The following LURAP1L variants were observed in gnomAD, a reference collection of about 807,000 sequenced individuals.
LURAP1L encodes leucine rich adaptor protein 1 like.
LURAP1L carries 12 observed loss-of-function variants against 13.8 expected under a neutral mutation model. That is an observed-to-expected ratio of 0.87 (90% confidence interval 0.56 to 1.41). LURAP1L has a LOEUF of 1.41. Among genes scored for constraint, LURAP1L ranks in the 40% most tolerant of loss-of-function variants. The pLI is 0.00. For synonymous variants in LURAP1L, 139 were observed against 119.2 expected, an observed-to-expected ratio of 1.17 and a Z score of -1.08; for missense variants, 375 against 292.9, an observed-to-expected ratio of 1.28 and a Z score of -2.04.
intron 1 of LURAP1L, among the ~76,000 whole-genome samples, chr9:12,819,380 T>C (rs1404322423): frequency 6.6e-6 from 1 of 152,218 alleles, no homozygotes; most frequent in African/African-American, 2.4e-5. Flanking sequence ...TAATGGAAAT[T>C]CCATCTCTCC....
rs1586890127 is a variant in LURAP1L at position 12,822,004 on chromosome 9, C to T, written c.*244C>T. ...TTTTCTCCCTTCTTTTACAGTAGCACAAACAAAGTAGGGGGAAAAGAATAA... is the reference window on the plus strand; with the variant it reads ...TTTTCTCCCTTCTTTTACAGTAGCATAAACAAAGTAGGGGGAAAAGAATAA... On this transcript the variant is annotated 3_prime_UTR_variant, in exon 2 of 2. Transcript: ENST00000319264. 7.4e-6 allele frequency: 3 copies of T among 405,878 alleles called. No homozygotes were observed. The East Asian group carries it at 1.2e-4, about 16-fold the overall frequency. The allele number at this position is 405,878 out of a possible 1,614,324, so 25.1% of individuals were successfully genotyped here.
At position 12,776,722 on chromosome 9, in the gene LURAP1L, C is replaced by G. The variant is rs1819190673; in HGVS notation, c.312+695C>G. ...CCAGGCCCAGGGATCTGCTAAGGAC[C>G]ATCTCCCACCCTTCTCCCTCAAGTC... On this transcript the variant is annotated intron_variant, in intron 1 of 1. Transcript: ENST00000319264. 2.0e-5 allele frequency among the ~76,000 whole-genome samples: 3 copies of G among 152,074 alleles called. No individual in the cohort carries two copies. The South Asian group carries it at 6.2e-4, about 32-fold the overall frequency.
rs1404668553 is a variant in LURAP1L, at chr9:12,821,436, C to G, written c.363C>G (p.Ile121Met). Residue 121 changes from isoleucine (I) to methionine (M), a missense_variant, in exon 2 of 2, where the codon ATC becomes ATG. Ile to Met is a conservative substitution (Grantham distance 10, BLOSUM62 1). Coordinates refer to ENST00000319264, the MANE Select transcript of LURAP1L (RefSeq NM_203403.2). The stretch of plus-strand genomic sequence containing the variant: ...GGCTCATGCGCCAGTTGCTTGTAAT[C>G]AATGAGAGCATCGAGTCCATCAAGT... ...DVRLMRQLLV[I>M]NESIESIKWM... 6 of 1,613,976 alleles carry G rather than the reference C, an allele frequency of 3.7e-6. No individual in the cohort carries two copies. The highest frequency in any genetic ancestry group is 5.1e-6 in the Non-Finnish European group (6 of 1,180,034).
chr9:12,777,762 AT>A (rs932902706), intron 1 of LURAP1L, among the ~76,000 whole-genome samples: 35 of 152,190 alleles, frequency 2.3e-4, no homozygotes, highest in African/African-American at 6.5e-4. Context: ...TCTGACAAAA[AT>A]AATTACGTTC....
chr9:12,814,512 C>T (rs929463506), intron 1 of LURAP1L, among the ~76,000 whole-genome samples: 37 of 152,156 alleles, frequency 2.4e-4, no homozygotes, highest in African/African-American at 8.4e-4. Context: ...AAGGAATTGA[C>T]ATCACAGGCA....
chr9:12,791,441 G>T (rs1381975086), intron 1 of LURAP1L, among the ~76,000 whole-genome samples: 2 of 151,812 alleles, frequency 1.3e-5, no homozygotes, highest in African/African-American at 4.8e-5. Context: ...CAATATTGTT[G>T]GTTTAATCTC....
chr9:12,786,544 T>TATATATA (rs1563888278), intron 1 of LURAP1L, among the ~76,000 whole-genome samples: 1 of 19,282 alleles, frequency 5.2e-5, no homozygotes, highest in Admixed American at 4.4e-4. Flanking sequence ...TGTATATATA[T>TATATATA]GACATATATA....
intron 1 of LURAP1L, among the ~76,000 whole-genome samples, chr9:12,818,129 C>G (rs10960811): frequency 0.36 from 51,205 of 140,816 alleles, 9,700 homozygotes; most frequent in African/African-American, 0.52. Flanking sequence ...TTTGCTTCCA[C>G]TAAAAAAAAA....
rs747498111 is a variant in LURAP1L at position 12,775,755 on chromosome 9, C to CTGAA, written c.41_44dup (p.Lys15AsnfsTer45). 1 of 1,605,352 alleles carries CTGAA rather than the reference C, an allele frequency of 6.2e-7. No individual in the cohort carries two copies. The highest frequency in any genetic ancestry group is 1.1e-5 in the South Asian group (1 of 90,360). On this transcript the variant is annotated frameshift_variant, in exon 1 of 2. Transcript: ENST00000319264. LOFTEE classifies it high-confidence loss of function. ...GCTGCCAGACCTCAGAGACATCGAG[C>CTGAA]TGAAGCTGGGGCGCAAAGTACCCGA...
At chr9:12,809,048 T>C (rs1443080754) in intron 1 of LURAP1L, among the ~76,000 whole-genome samples, 6 of 152,156 alleles carry the variant, frequency 3.9e-5, no homozygotes, top group Admixed American at 3.3e-4. Flanking sequence ...TATCACATGC[T>C]GAGAGAGGGA....
chr9:12,806,144 T>G (rs941906784), intron 1 of LURAP1L, among the ~76,000 whole-genome samples: 1 of 152,108 alleles, frequency 6.6e-6, no homozygotes, highest in Non-Finnish European at 1.5e-5. Context: ...TTTTAAAAAG[T>G]TGAAAACATG....
At chr9:12,807,303 A>T (rs570951312) in intron 1 of LURAP1L, among the ~76,000 whole-genome samples, 1 of 152,166 alleles carries the variant, frequency 6.6e-6, no homozygotes, top group South Asian at 2.1e-4. Context: ...AACTAAATAA[A>T]TAAAATGAGA....
chr9:12,807,329 G>A (rs1819674505), intron 1 of LURAP1L, among the ~76,000 whole-genome samples: 1 of 151,962 alleles, frequency 6.6e-6, no homozygotes, highest in South Asian at 2.1e-4. Context: ...AAAGAGAATT[G>A]GCCAGGGTAA....
chr9:12,813,963 C>G (rs1045687226), intron 1 of LURAP1L, among the ~76,000 whole-genome samples: 1 of 152,150 alleles, frequency 6.6e-6, no homozygotes, highest in Non-Finnish European at 1.5e-5. Context: ...ATAAAACATT[C>G]TCTGAAATCA....
chr9:12,785,650 G>C (rs1418988510), intron 1 of LURAP1L, among the ~76,000 whole-genome samples: 3 of 152,166 alleles, frequency 2.0e-5, no homozygotes, highest in Non-Finnish European at 4.4e-5. Flanking sequence ...TTAGCACTGA[G>C]TTCCAATGCA....
At chr9:12,808,027 C>T (rs916608157) in intron 1 of LURAP1L, among the ~76,000 whole-genome samples, 1 of 152,092 alleles carries the variant, frequency 6.6e-6, no homozygotes, top group African/African-American at 2.4e-5. Context: ...TATAAAATGA[C>T]TATCATTCAT....
At position 12,777,669 on chromosome 9, in the gene LURAP1L, A is replaced by G. The variant is rs141388811; in HGVS notation, c.312+1642A>G. 3 of 753,574 alleles carry G rather than the reference A, an allele frequency of 4.0e-6. No homozygotes were observed. The East Asian group carries it at 3.9e-4, about 98-fold the overall frequency. The allele number at this position is 753,574 out of a possible 1,614,324, so 46.7% of individuals were successfully genotyped here. ...GACACAATTTAGAGTATTTATATAT[A>G]ACTTGAAAACAGTAACATTTCCAAA... On this transcript the variant is annotated intron_variant, in intron 1 of 1. Coordinates refer to ENST00000319264, the MANE Select transcript of LURAP1L (RefSeq NM_203403.2).
intron 1 of LURAP1L, among the ~76,000 whole-genome samples, chr9:12,806,705 A>G (rs1819661545): frequency 6.6e-6 from 1 of 152,114 alleles, no homozygotes; most frequent in Non-Finnish European, 1.5e-5. Flanking sequence ...AAAGTGGATT[A>G]TACTAATTTA....
intron 1 of LURAP1L, among the ~76,000 whole-genome samples, chr9:12,785,280 A>T (rs1312936662): frequency 6.6e-6 from 1 of 152,022 alleles, no homozygotes; most frequent in Non-Finnish European, 1.5e-5. Flanking sequence ...CTTTTCAAAC[A>T]GAAGGTGTCT....
Sources: gnomAD v4.1 joint callset for allele counts (sites outside exome capture counted in the v4.1 genomes callset) on GRCh38, gnomAD v4.1.1 for gene constraint, MANE v1.5 for transcripts, NCBI Gene and HGNC (gene_info 2026-07-23, HGNC 2026-07-21) for gene names.